Variants in UGGT2 observed in about 807,000 individuals in gnomAD.
UGGT2 encodes UDP-glucose glycoprotein glucosyltransferase 2.
UGGT2 carries 180 observed loss-of-function variants against 192.1 expected under a neutral mutation model. That is an observed-to-expected ratio of 0.94 (90% CI 0.83 to 1.06). The LOEUF is 1.06. Ranked by LOEUF, UGGT2 falls within the 50% of genes least tolerant of loss-of-function variation. The pLI is 0.00. For missense variants in UGGT2, 1,849 were observed against 1,795.7 expected (o/e 1.03, Z -0.54); for synonymous variants, 580 against 591.0 (o/e 0.98, Z 0.27).
chr13:95,894,600 T>G lies in UGGT2; in HGVS notation c.2817A>C (p.Ala939=). 1 of 1,611,734 alleles carries G rather than the reference T, an allele frequency of 6.2e-7. No individual in the cohort carries two copies. Among genetic ancestry groups the G allele is most frequent in the East Asian group, 2.2e-5 (1 of 44,766 alleles). ...DALMSSVPKR[A]SRYDVTFLRE... ...TAAGAAATGTGACATCATATCGAGA[T>G]GCACGCTTAGGCACAGAGGACATAA... The change falls in exon 24 of 39, where the codon GCA becomes GCC. Residue 939 remains alanine (A), a synonymous_variant. Transcript: ENST00000376747.
chr13:96,009,535 C>T (rs1020549256), intron 5 of UGGT2, among the ~76,000 whole-genome samples: 7 of 152,152 alleles, frequency 4.6e-5, no homozygotes, highest in East Asian at 1.9e-4. Flanking sequence ...GAAGGCTGGA[C>T]GCAGTGGCTC....
chr13:95,907,515 T>A (rs2048331482), intron 20 of UGGT2, among the ~76,000 whole-genome samples: 1 of 152,080 alleles, frequency 6.6e-6, no homozygotes, highest in South Asian at 2.1e-4. Flanking sequence ...GACAGACACC[T>A]CATATAGGCA....
At chr13:95,922,571 C>T (rs1055335896) in intron 20 of UGGT2, among the ~76,000 whole-genome samples, 1 of 152,210 alleles carries the variant, frequency 6.6e-6, no homozygotes, top group Non-Finnish European at 1.5e-5. Flanking sequence ...CCTGTAATCT[C>T]AGCACTTTGG....
chr13:95,819,157 A>G (rs1376476804), intron 38 of UGGT2, among the ~76,000 whole-genome samples: 1 of 152,228 alleles, frequency 6.6e-6, no homozygotes, highest in Non-Finnish European at 1.5e-5. Context: ...AAAAGTTTTT[A>G]AATATTGATA....
chr13:95,965,994 A>G (rs2140743269), intron 12 of UGGT2, among the ~76,000 whole-genome samples: 1 of 152,314 alleles, frequency 6.6e-6, no homozygotes, highest in South Asian at 2.1e-4. Context: ...AGATTCCTCA[A>G]AAATCTAAAA....
chr13:95,918,705 C>A (rs2048754158), intron 20 of UGGT2, among the ~76,000 whole-genome samples: 1 of 152,016 alleles, frequency 6.6e-6, no homozygotes, highest in African/African-American at 2.4e-5. Context: ...GAACCAACAA[C>A]AAGTTCTGAA....
intron 33 of UGGT2, among the ~76,000 whole-genome samples, chr13:95,858,540 G>A (rs1288408784): frequency 6.6e-6 from 1 of 152,040 alleles, no homozygotes; most frequent in African/African-American, 2.4e-5. Flanking sequence ...CACTGTTGCT[G>A]GAAGAAATAA....
intron 17 of UGGT2, among the ~76,000 whole-genome samples, chr13:95,932,914 C>A (rs2049336722): frequency 6.6e-6 from 1 of 152,150 alleles, no homozygotes; most frequent in Admixed American, 6.5e-5. Context: ...GTTGAACCAA[C>A]CTTTCTCAGG....
At position 95,927,486 on chromosome 13, in the gene UGGT2, T is replaced by A. The variant is rs1041754556; in HGVS notation, c.1978-150A>T. ...ATTTTCTTTCTTTTTTTTTTTTTTT[T>A]TTATTCTTCAGTTTGGTAAACATTT... On this transcript the variant is annotated intron_variant, in intron 17 of 38. Transcript: ENST00000376747. 6.8e-4 allele frequency: 498 copies of A among 737,368 alleles called. 6 individuals carry two copies. The highest frequency in any genetic ancestry group is 2.0e-4 in the Non-Finnish European group (99 of 494,034). The allele number at this position is 737,368 out of a possible 1,614,324, so 45.7% of individuals were successfully genotyped here.
At chr13:95,807,604 T>A (rs550999933) in intron 38 of UGGT2, among the ~76,000 whole-genome samples, 1 of 152,076 alleles carries the variant, frequency 6.6e-6, no homozygotes, top group Non-Finnish European at 1.5e-5. Flanking sequence ...CTGGCACTGG[T>A]TCAGAAGCAC....
chr13:95,947,863 C>A, intron 14 of UGGT2, 133 bp downstream of exon 14: 2 of 620,720 alleles, frequency 3.2e-6, no homozygotes, highest in South Asian at 2.2e-5. Context: ...TACTTCACAA[C>A]GTGCAGCTGT....
Position 95,959,703 on chromosome 13 carries a change from G to A in UGGT2, c.1336-10249C>T, listed in dbSNP as rs146834785. On this transcript the variant is annotated intron_variant, in intron 12 of 38. Transcript: ENST00000376747. ...CCCTTAGGTCCTAGAGAATTGTCCC[G>A]CCACTTACTGCCATTGCCCGTGCCA... Among the ~76,000 whole-genome samples, 145 of 152,204 alleles carry A rather than the reference G, an allele frequency of 9.5e-4. 1 individual carries two copies. Among genetic ancestry groups the A allele is most frequent in the African/African-American group, 3.3e-3 (135 of 41,530 alleles).
chr13:95,979,036 A>C (rs1325264324), intron 10 of UGGT2, among the ~76,000 whole-genome samples: 1 of 152,218 alleles, frequency 6.6e-6, no homozygotes, highest in African/African-American at 2.4e-5. Context: ...TATGTAATTG[A>C]AATTATTTGT....
chr13:95,868,230 T>C (rs892671344), intron 29 of UGGT2, among the ~76,000 whole-genome samples: 4 of 152,154 alleles, frequency 2.6e-5, no homozygotes, highest in Admixed American at 2.6e-4. Context: ...GACTTTCTCT[T>C]ACTCCCAATT....
chr13:96,046,116 TGGTACTGGTGTAAAAACA>T (rs943228780), intron 1 of UGGT2, among the ~76,000 whole-genome samples: 31 of 152,260 alleles, frequency 2.0e-4, no homozygotes, highest in African/African-American at 6.7e-4. Context: ...CAAAACAGCA[TGGTACTGGTGTAAAAACA>T]GGCACATAGA....
intron 2 of UGGT2, among the ~76,000 whole-genome samples, chr13:96,026,303 C>T (rs928091617): frequency 1.3e-5 from 2 of 152,072 alleles, no homozygotes; most frequent in Non-Finnish European, 2.9e-5. Flanking sequence ...GAGGCACCAA[C>T]CAGAGAGCAA....
chr13:96,028,972 C>A (rs1032104019), intron 2 of UGGT2, among the ~76,000 whole-genome samples: 5 of 143,814 alleles, frequency 3.5e-5, no homozygotes, highest in African/African-American at 1.0e-4. Flanking sequence ...GGTGAAACCC[C>A]GTCTCTAATA....
intron 17 of UGGT2, among the ~76,000 whole-genome samples, chr13:95,928,371 G>A (rs55822301): frequency 2.6e-5 from 3 of 115,678 alleles, no homozygotes; most frequent in African/African-American, 2.7e-5. Context: ...GACGGCTGCC[G>A]GGCGGAGACG....
chr13:95,989,596 G>T (rs1017798500), intron 8 of UGGT2: 5 of 363,908 alleles, frequency 1.4e-5, no homozygotes, highest in Non-Finnish European at 2.3e-5. Flanking sequence ...GTCTTAACAG[G>T]ATCTAAATTT....
Sources: gnomAD v4.1 joint callset for allele counts (sites outside exome capture counted in the v4.1 genomes callset) on GRCh38, gnomAD v4.1.1 for gene constraint, MANE v1.5 for transcripts, NCBI Gene and HGNC (gene_info 2026-07-23, HGNC 2026-07-21) for gene names.